Variants in SKI observed in about 807,000 individuals in gnomAD.
SKI encodes the protein SKI proto-oncogene.
A neutral mutation model predicts 59.3 loss-of-function variants in SKI; 23 were observed. The ratio of observed to expected loss-of-function variants is 0.39; its 90% CI spans 0.28 to 0.55. The LOEUF (loss-of-function observed/expected upper bound fraction) is 0.55, where lower values mean the gene tolerates loss of function less well. Ranked by LOEUF, SKI falls within the 20% of genes least tolerant of loss-of-function variation. The pLI is 0.67. For missense variants in SKI, 1,017 were observed against 1,038.9 expected (o/e 0.98, Z 0.29); for synonymous variants, 673 against 488.6 (o/e 1.38, Z -4.98).
intron 1 of SKI, among the ~76,000 whole-genome samples, chr1:2,292,209 C>T (rs535569662): frequency 1.3e-5 from 2 of 152,334 alleles, no homozygotes; most frequent in East Asian, 3.9e-4. Context: ...GTCCCCACGC[C>T]TCCTTGCCCT....
chr1:2,243,956 T>TTTTCTTTC (rs372786242), intron 1 of SKI, among the ~76,000 whole-genome samples: 9,808 of 151,728 alleles, frequency 0.065, 379 homozygotes, highest in Middle Eastern at 0.14. Flanking sequence ...TTACCCAAAC[T>TTTTCTTTC]TTTCTTTCTT....
intron 1 of SKI, among the ~76,000 whole-genome samples, chr1:2,255,105 G>A (rs1639245140): frequency 6.6e-6 from 1 of 152,056 alleles, no homozygotes; most frequent in Admixed American, 6.5e-5. Flanking sequence ...TTTAGCTAAG[G>A]AGTCCATGGC....
intron 1 of SKI, among the ~76,000 whole-genome samples, chr1:2,294,160 TC>T (rs1640232595): frequency 6.6e-6 from 1 of 152,280 alleles, no homozygotes; most frequent in African/African-American, 2.4e-5. Context: ...AGCGGGGGCT[TC>T]CAGAGCCTCC....
chr1:2,234,958 C>G (rs1349024791), intron 1 of SKI, among the ~76,000 whole-genome samples: 1 of 152,004 alleles, frequency 6.6e-6, no homozygotes, highest in African/African-American at 2.4e-5. Context: ...TTACACCTGG[C>G]CTCCAGAGCG....
rs141650138 is a variant in SKI at position 2,270,877 on chromosome 1, G to A, written c.970-32101G>A. On this transcript the variant is annotated intron_variant, in intron 1 of 6. Coordinates refer to ENST00000378536, the MANE Select transcript of SKI (RefSeq NM_003036.4). The surrounding 1 kb of genome is among the most constrained non-coding windows in gnomAD (Gnocchi z 4.1). ...CACATTTGTCCCTCTCCTGCCCCAG[G>A]GCACCTGGCCCTGTCCCGGGCCACC... 1.8e-3 allele frequency among the ~76,000 whole-genome samples: 279 copies of A among 152,316 alleles called. 5 individuals carry two copies. The East Asian group carries it at 0.022, about 12-fold the overall frequency.
At position 2,303,825 on chromosome 1, in the gene SKI, C is replaced by T. The variant is rs200904079; in HGVS notation, c.1212-15C>T. ...GGGACAGAGGCACCTTCCCGACACCCGCCTGCCCCTCCAGCTTCTACTCCT... is the reference window on the plus strand; with the variant it reads ...GGGACAGAGGCACCTTCCCGACACCTGCCTGCCCCTCCAGCTTCTACTCCT... On this transcript the variant is annotated splice_polypyrimidine_tract_variant and intron_variant, in intron 3 of 6. Coordinates refer to ENST00000378536, the MANE Select transcript of SKI (RefSeq NM_003036.4). This position sits in a 1 kb window ranked among gnomAD's most constrained non-coding sequence, Gnocchi z 5.6. The T allele has an allele frequency of 3.4e-5, 55 of 1,611,860 alleles. No homozygotes were observed. In the East Asian group the frequency reaches 7.8e-4, roughly 23 times the overall value.
chr1:2,246,807 C>A (rs1639007625), intron 1 of SKI, among the ~76,000 whole-genome samples: 1 of 152,086 alleles, frequency 6.6e-6, no homozygotes, highest in African/African-American at 2.4e-5. Flanking sequence ...TGTGAAGGGG[C>A]ACCTACCGTG....
At chr1:2,294,534 C>A (rs1333166654) in intron 1 of SKI, among the ~76,000 whole-genome samples, 2 of 152,244 alleles carry the variant, frequency 1.3e-5, no homozygotes, top group Admixed American at 6.5e-5. Flanking sequence ...TCCCTTGAGC[C>A]CGTTAGCTGT....
chr1:2,248,970 G>T (rs1371038615), intron 1 of SKI, among the ~76,000 whole-genome samples: 1 of 152,228 alleles, frequency 6.6e-6, no homozygotes, highest in Admixed American at 6.5e-5. Flanking sequence ...GCGTCTGGGC[G>T]CTGGCACGGG....
At chr1:2,260,450 A>G (rs1054191156) in intron 1 of SKI, among the ~76,000 whole-genome samples, 3 of 150,472 alleles carry the variant, frequency 2.0e-5, no homozygotes, top group Admixed American at 6.6e-5. Context: ...GTCCCTGTCC[A>G]TGGCTTTCCT....
At chr1:2,250,323 C>T (rs1009872178) in intron 1 of SKI, among the ~76,000 whole-genome samples, 5 of 152,210 alleles carry the variant, frequency 3.3e-5, no homozygotes, top group Non-Finnish European at 5.9e-5. Flanking sequence ...CTCTGGCCGT[C>T]CCAGAACCCG....
rs140889128 is a variant in SKI, at chr1:2,303,939, C to G, written c.1311C>G (p.Ala437=). 1.4e-4 allele frequency: 231 copies of G among 1,611,702 alleles called. No homozygotes were observed. The highest frequency in any genetic ancestry group is 9.2e-4 in the Admixed American group (55 of 59,932). ...QKVVSSPPCA[A]AVSRAPEPLA... ...TTGTGAGCAGCCCTCCGTGTGCCGC[C>G]GCCGTCTCCCGGGCCCCCGAGCCTC... The change falls in exon 4 of 7, where the codon GCC becomes GCG. Residue 437 remains alanine (A), a synonymous_variant. Transcript: ENST00000378536. The surrounding 1 kb of genome is among the most constrained non-coding windows in gnomAD (Gnocchi z 5.6).
chr1:2,294,849 G>T (rs1640248262), intron 1 of SKI, among the ~76,000 whole-genome samples: 1 of 152,202 alleles, frequency 6.6e-6, no homozygotes, highest in South Asian at 2.1e-4. Context: ...AGCAGGGCAG[G>T]ATCCACCCTC....
intron 1 of SKI, among the ~76,000 whole-genome samples, chr1:2,289,363 C>T (rs935639337): frequency 6.6e-6 from 1 of 152,158 alleles, no homozygotes; most frequent in African/African-American, 2.4e-5. Flanking sequence ...GCCACCTCTC[C>T]TGCCAGCCAG....
intron 1 of SKI, among the ~76,000 whole-genome samples, chr1:2,286,357 T>C (rs1328416104): frequency 6.6e-6 from 1 of 151,916 alleles, no homozygotes; most frequent in Non-Finnish European, 1.5e-5. Context: ...TAGCTGGGTG[T>C]GGTAGTGTGC....
chr1:2,277,610 C>T (rs1480664791), intron 1 of SKI, among the ~76,000 whole-genome samples: 2 of 152,210 alleles, frequency 1.3e-5, no homozygotes, highest in South Asian at 2.1e-4. Context: ...GGTATATCTT[C>T]TTCAGCAGCG....
chr1:2,251,824 TG>T (rs977997285), intron 1 of SKI, among the ~76,000 whole-genome samples: 5 of 152,204 alleles, frequency 3.3e-5, no homozygotes, highest in Non-Finnish European at 7.3e-5. Context: ...CGAGTCTGGT[TG>T]TTGTTGGCCA....
At position 2,268,894 on chromosome 1, in the gene SKI, C is replaced by G. The variant is rs548394534; in HGVS notation, c.970-34084C>G. ...TGCCTTTCCCCTTTATCCTTTCCCC[C>G]CTTCCATGTCCATTTCCCTTTTCCC... On this transcript the variant is annotated intron_variant, in intron 1 of 6. Coordinates refer to ENST00000378536, the MANE Select transcript of SKI (RefSeq NM_003036.4). The surrounding 1 kb of genome is among the most constrained non-coding windows in gnomAD (Gnocchi z 5.0). 1.1e-4 allele frequency among the ~76,000 whole-genome samples: 16 copies of G among 152,046 alleles called. No individual in the cohort carries two copies. Among genetic ancestry groups the G allele is most frequent in the Admixed American group, 6.5e-4 (10 of 15,272 alleles).
In SKI at chr1:2,249,393, A is replaced by C. The variant is rs1639071156; in HGVS notation, c.969+19658A>C. Among the ~76,000 whole-genome samples the C allele has an allele frequency of 2.0e-5, 3 of 152,198 alleles. No homozygotes were observed. In the South Asian group the frequency reaches 6.2e-4, roughly 32 times the overall value. On this transcript the variant is annotated intron_variant, in intron 1 of 6. Transcript: ENST00000378536. ...AGGAGGTTCCCTGGCAATGGGAGAC[A>C]ATTGTCTGCTCAGTTCAGCCTTCAG...
Sources: allele counts gnomAD v4.1 joint callset (sites outside exome capture counted in the v4.1 genomes callset), GRCh38; gene constraint gnomAD v4.1.1; non-coding constraint Gnocchi (gnomAD v3.1); transcripts MANE v1.5; gene names NCBI Gene and HGNC (gene_info 2026-07-23, HGNC 2026-07-21).